The following PDPK1 variants were observed in gnomAD, a reference collection of about 807,000 sequenced individuals.
PDPK1 encodes the protein 3-phosphoinositide-dependent protein kinase 1.
A neutral mutation model predicts 39.8 loss-of-function variants in PDPK1; 7 were observed. The ratio of observed to expected loss-of-function variants is 0.18; its 90% CI spans 0.10 to 0.33. The LOEUF (loss-of-function observed/expected upper bound fraction) is 0.33. Among genes scored for constraint, PDPK1 ranks in the 10% least tolerant of loss-of-function variants. The probability of loss-of-function intolerance (pLI) is 1.00; values close to 1 mark genes in which losing one functional copy is unlikely to be tolerated. For synonymous variants in PDPK1, 118 were observed against 159.1 expected, an observed-to-expected ratio of 0.74 and a Z score of 1.95; for missense variants, 182 against 384.7, an observed-to-expected ratio of 0.47 and a Z score of 4.41.
rs1285774499 is a variant in PDPK1, at chr16:2,597,048, G to A, written c.1402-75G>A. 7.8e-6 allele frequency: 10 copies of A among 1,280,722 alleles called. No individual in the cohort carries two copies. The highest frequency in any genetic ancestry group is 6.0e-5 in the African/African-American group (4 of 67,008). 79.3% of individuals were successfully genotyped at this position (1,280,722 alleles called of 1,614,324 possible). ...GTGTCCTGAGCAGCTCCGAGGGGCC[G>A]CCCAGCCCTCTAGGCTCCAGGAGAT... is the stretch of plus-strand genomic sequence containing the variant. On this transcript the variant is annotated intron_variant, in intron 12 of 13. Coordinates refer to ENST00000342085, the MANE Select transcript of PDPK1 (RefSeq NM_002613.5). The surrounding 1 kb of genome is among the most constrained non-coding windows in gnomAD (Gnocchi z 6.3).
At chr16:2,590,531 A>T (rs1005084136) in intron 11 of PDPK1, among the ~76,000 whole-genome samples, 4 of 152,224 alleles carry the variant, frequency 2.6e-5, no homozygotes, top group African/African-American at 9.7e-5. Flanking sequence ...CAGCCATCTC[A>T]GGGGAGACAC....
At chr16:2,589,116 C>T (rs2066936566) in intron 11 of PDPK1, among the ~76,000 whole-genome samples, 1 of 152,072 alleles carries the variant, frequency 6.6e-6, no homozygotes. Flanking sequence ...CCACCACGTC[C>T]AGCTAATTTT....
chr16:2,559,454 C>G (rs1213598096), intron 2 of PDPK1, among the ~76,000 whole-genome samples: 1 of 149,760 alleles, frequency 6.7e-6, no homozygotes, highest in Non-Finnish European at 1.5e-5. Context: ...TCGAGTGATT[C>G]TCTCCTCAGC....
chr16:2,588,267 T>C (rs529864934), intron 11 of PDPK1, among the ~76,000 whole-genome samples: 28 of 152,282 alleles, frequency 1.8e-4, no homozygotes, highest in African/African-American at 6.7e-4. Flanking sequence ...GAGATGTTAA[T>C]GTGTACTGAG....
intron 1 of PDPK1, among the ~76,000 whole-genome samples, chr16:2,551,669 TTTTTTTTTTG>T (rs374694445): frequency 0.025 from 3,709 of 145,552 alleles, 162 homozygotes; most frequent in African/African-American, 0.095. Flanking sequence ...CTTTTTTTTT[TTTTTTTTTTG>T]TTTTTAGACG....
At chr16:2,578,402 G>A (rs1339548610) in intron 7 of PDPK1, 2 of 142,300 alleles carry the variant, frequency 1.4e-5, no homozygotes, top group Admixed American at 7.0e-5. Flanking sequence ...GACCACCGGC[G>A]GTGTGGGGGA....
chr16:2,546,972 C>T (rs1380423980), intron 1 of PDPK1, among the ~76,000 whole-genome samples: 1 of 150,006 alleles, frequency 6.7e-6, no homozygotes, highest in Non-Finnish European at 1.5e-5. Flanking sequence ...TCGGTGGGGG[C>T]GGGGCTAATT....
At position 2,602,510 on chromosome 16, in the gene PDPK1, T is replaced by C; in HGVS notation, c.*4743T>C. The C allele has an allele frequency of 4.3e-6, 1 of 234,922 alleles. No homozygotes were observed. The highest frequency in any genetic ancestry group is 8.5e-6 in the Non-Finnish European group (1 of 118,088). 14.6% of individuals were successfully genotyped at this position (234,922 alleles called of 1,614,324 possible). On this transcript the variant is annotated 3_prime_UTR_variant, in exon 14 of 14. Transcript: ENST00000342085. The stretch of plus-strand genomic sequence containing the variant: ...AACTTTTTACAAAAGGCAGACCTTT[T>C]TTAAGCTGTGTAACCCACATAGCCT...
At position 2,595,800 on chromosome 16, in the gene PDPK1, T is replaced by C; in HGVS notation, c.1351T>C (p.Phe451Leu). The C allele has an allele frequency of 6.2e-7, 1 of 1,612,522 alleles. No homozygotes were observed. ...TCTTGTTTCTTTCCACAGGCACCAG[T>C]TTGTAGAAAATAATTTAATACTAAA... Reference protein sequence around the residue: ...KQAGGNPWHQFVENNLILKMG... With the variant: ...KQAGGNPWHQLVENNLILKMG... The change falls in exon 12 of 14, where the codon TTT (phenylalanine) becomes CTT (leucine). Residue 451 changes from phenylalanine (F) to leucine (L), a missense_variant. Coordinates refer to ENST00000342085, the MANE Select transcript of PDPK1 (RefSeq NM_002613.5).
At chr16:2,594,359 A>G (rs924780355) in intron 11 of PDPK1, 1 of 152,110 alleles carries the variant, frequency 6.6e-6, no homozygotes, top group Non-Finnish European at 1.5e-5. Context: ...CCTGGCTAAC[A>G]TAGTGAAACC....
At chr16:2,592,799 C>T (rs965620033) in intron 11 of PDPK1, 3 of 455,892 alleles carry the variant, frequency 6.6e-6, no homozygotes, top group African/African-American at 4.0e-5. Flanking sequence ...GGAGCTTTGC[C>T]CGCAGTCTCT....
At position 2,600,114 on chromosome 16, in the gene PDPK1, G is replaced by A; in HGVS notation, c.*2347G>A. ...CTTTCCTTACCCTGTGCTTGCTCATGTCTACTCCGGTTTTCTCTACCACAT... is the reference window on the plus strand; with the variant it reads ...CTTTCCTTACCCTGTGCTTGCTCATATCTACTCCGGTTTTCTCTACCACAT... On this transcript the variant is annotated 3_prime_UTR_variant, in exon 14 of 14. Transcript: ENST00000342085. 1 of 233,216 alleles carries A rather than the reference G, an allele frequency of 4.3e-6. No individual in the cohort carries two copies. 14.4% of individuals were successfully genotyped at this position (233,216 alleles called of 1,614,324 possible).
In PDPK1 at chr16:2,597,176, T is replaced by C. The variant is rs774842989; in HGVS notation, c.1455T>C (p.Tyr485=). Residue 485 remains tyrosine (Y), a synonymous_variant, in exon 13 of 14, where the codon TAT becomes TAC. Coordinates refer to ENST00000342085, the MANE Select transcript of PDPK1 (RefSeq NM_002613.5). The surrounding 1 kb of genome is among the most constrained non-coding windows in gnomAD (Gnocchi z 6.3). ...TGCTCACAGAAGGACCACATTTATA[T>C]TATGTGGATCCTGTCAACAAAGTTC... ...QLLLTEGPHL[Y]YVDPVNKVLK... 3 of 1,584,742 alleles carry C rather than the reference T, an allele frequency of 1.9e-6. No individual in the cohort carries two copies. The highest frequency in any genetic ancestry group is 1.7e-6 in the Non-Finnish European group (2 of 1,156,248).
rs576057469 is a variant in PDPK1 at position 2,593,219 on chromosome 16, G to A, written c.1344-2574G>A. ...ATGTCTTCATTTAGGGCCATTGAGA[G>A]TTTCTTGTGTCACTGAATTCCTCTT... On this transcript the variant is annotated intron_variant, in intron 11 of 13. Transcript: ENST00000342085. This position sits in a 1 kb window ranked among gnomAD's most constrained non-coding sequence, Gnocchi z 4.2. 3 of 379,530 alleles carry A rather than the reference G, an allele frequency of 7.9e-6. No homozygotes were observed. Among genetic ancestry groups the A allele is most frequent in the African/African-American group, 2.1e-5 (1 of 47,020 alleles). 23.5% of individuals were successfully genotyped at this position (379,530 alleles called of 1,614,324 possible). A position where few individuals can be genotyped will look rare whatever the true frequency, so the allele number is the denominator to read the frequency against.
chr16:2,578,031 C>T (rs1388615599), intron 7 of PDPK1, among the ~76,000 whole-genome samples: 1 of 148,858 alleles, frequency 6.7e-6, no homozygotes, highest in African/African-American at 2.6e-5. Flanking sequence ...GCCACCATGC[C>T]CAGCCTGATC....
intron 11 of PDPK1, among the ~76,000 whole-genome samples, chr16:2,591,497 T>C (rs1279899379): frequency 6.6e-6 from 1 of 152,210 alleles, no homozygotes; most frequent in Non-Finnish European, 1.5e-5. Flanking sequence ...TGAACTGCAG[T>C]GTAGTGTCCA....
intron 2 of PDPK1, among the ~76,000 whole-genome samples, chr16:2,558,506 AGTACT>A (rs1433740275): frequency 6.6e-6 from 1 of 150,566 alleles, no homozygotes; most frequent in Non-Finnish European, 1.5e-5. Flanking sequence ...GTATTGTCGC[AGTACT>A]GTCAAGTCAC....
At chr16:2,591,989 G>A (rs533315738) in intron 11 of PDPK1, among the ~76,000 whole-genome samples, 11 of 152,198 alleles carry the variant, frequency 7.2e-5, no homozygotes, top group Non-Finnish European at 1.3e-4. Flanking sequence ...CCTGGGGCCC[G>A]TCCGCCATTG....
At chr16:2,596,463 G>C (rs1426546721) in intron 12 of PDPK1, among the ~76,000 whole-genome samples, 1 of 152,168 alleles carries the variant, frequency 6.6e-6, no homozygotes, top group African/African-American at 2.4e-5. Flanking sequence ...CAAAGTGCTG[G>C]GATTACAGGC....
Sources: allele counts gnomAD v4.1 joint callset (sites outside exome capture counted in the v4.1 genomes callset), GRCh38; gene constraint gnomAD v4.1.1; non-coding constraint Gnocchi (gnomAD v3.1); transcripts MANE v1.5; gene names NCBI Gene and HGNC (gene_info 2026-07-23, HGNC 2026-07-21).